Variants in CCDC112 observed in about 807,000 individuals in gnomAD.
CCDC112 encodes the protein coiled-coil domain containing 112, also known as coiled-coil domain-containing protein 112.
A neutral mutation model predicts 66.3 loss-of-function variants in CCDC112; 40 were observed. The observed-to-expected ratio is 0.60, with a 90% CI of 0.47 to 0.79. CCDC112 has a LOEUF of 0.79. Among genes scored for constraint, CCDC112 ranks in the 30% least tolerant of loss-of-function variants. The pLI, the probability that CCDC112 is intolerant of heterozygous loss-of-function variation, is 0.00. For missense variants in CCDC112, 659 were observed against 603.8 expected (o/e 1.09, Z -0.96); for synonymous variants, 214 against 197.2 (o/e 1.09, Z -0.71).
In CCDC112 at chr5:115,274,616, T is replaced by C. The variant is rs142472010; in HGVS notation, c.918+600A>G. On this transcript the variant is annotated intron_variant, in intron 6 of 9. Coordinates refer to ENST00000379611, the MANE Select transcript of CCDC112 (RefSeq NM_001040440.3). ...CTGGATTGCTCACATTTCTGAGAAGTGGATACGGAGGACTGGACCCATAAT... is the reference window on the plus strand; with the variant it reads ...CTGGATTGCTCACATTTCTGAGAAGCGGATACGGAGGACTGGACCCATAAT... 8.5e-4 allele frequency among the ~76,000 whole-genome samples: 130 copies of C among 152,332 alleles called. 1 individual carries two copies. The highest frequency in any genetic ancestry group is 3.1e-3 in the African/African-American group (130 of 41,596).
chr5:115,294,894 A>G (rs1267226558), intron 1 of CCDC112, among the ~76,000 whole-genome samples: 1 of 152,150 alleles, frequency 6.6e-6, no homozygotes, highest in Non-Finnish European at 1.5e-5. Flanking sequence ...AAAAAGCCCA[A>G]ACACACGTGA....
At chr5:115,276,382 G>A (rs1451339622) in intron 4 of CCDC112, among the ~76,000 whole-genome samples, 1 of 152,126 alleles carries the variant, frequency 6.6e-6, no homozygotes, top group African/African-American at 2.4e-5. Flanking sequence ...ACACCTGTCT[G>A]ATTCCTAAGT....
At chr5:115,274,272 A>T (rs1276085005) in intron 6 of CCDC112, among the ~76,000 whole-genome samples, 1 of 152,194 alleles carries the variant, frequency 6.6e-6, no homozygotes, top group East Asian at 1.9e-4. Context: ...TAATGCACAG[A>T]ACAGGCCCCC....
chr5:115,294,233 T>C (rs1158118728), intron 1 of CCDC112, among the ~76,000 whole-genome samples: 1 of 152,230 alleles, frequency 6.6e-6, no homozygotes, highest in Admixed American at 6.5e-5. Flanking sequence ...TGTGATGGAC[T>C]GAATTGTGTT....
chr5:115,287,667 A>G (rs1232823627), intron 1 of CCDC112, among the ~76,000 whole-genome samples: 1 of 149,666 alleles, frequency 6.7e-6, no homozygotes, highest in Admixed American at 6.6e-5. Flanking sequence ...AGTTACCCGA[A>G]GTAAACAGAT....
chr5:115,275,282 T>G lies in CCDC112; in HGVS notation c.852A>C (p.Gln284His). The G allele has an allele frequency of 6.2e-7, 1 of 1,614,038 alleles. No individual in the cohort carries two copies. The highest frequency in any genetic ancestry group is 8.5e-7 in the Non-Finnish European group (1 of 1,179,956). ...ATTTTTCATGCTGTTGAACTTCATC[T>G]TGTGTTTTTCCAGGAAGGTGTTCTA... ...EVLEHLPGKTQDEVQQHEKWY... is the reference protein window; with the variant it reads ...EVLEHLPGKTHDEVQQHEKWY... The change falls in exon 6 of 10, where the codon CAA becomes CAC. Residue 284 changes from glutamine (Q) to histidine (H), a missense_variant. By Grantham distance (24) the Gln-to-His change is conservative. Transcript: ENST00000379611.
chr5:115,273,395 A>G (rs1348018586), intron 6 of CCDC112, among the ~76,000 whole-genome samples: 1 of 152,218 alleles, frequency 6.6e-6, no homozygotes, highest in African/African-American at 2.4e-5. Flanking sequence ...TTTACTACTC[A>G]ACATCTTAAA....
chr5:115,287,690 C>T lies in CCDC112; in HGVS notation c.118-2782G>A, dbSNP rs567898585. On this transcript the variant is annotated intron_variant, in intron 1 of 9. Transcript: ENST00000379611. ...GAAGTAAACAGATGTTAACCAATCC[C>T]CTTTCCTTTTTTTTTTTTTTTTTTT... Among the ~76,000 whole-genome samples the T allele has an allele frequency of 8.8e-4, 121 of 137,310 alleles. 1 individual carries two copies. Among genetic ancestry groups the T allele is most frequent in the South Asian group, 7.0e-4 (3 of 4,278 alleles). 90.1% of individuals were successfully genotyped at this position (137,310 alleles called of 152,430 possible).
chr5:115,290,797 T>C (rs1204577041), intron 1 of CCDC112, among the ~76,000 whole-genome samples: 1 of 152,176 alleles, frequency 6.6e-6, no homozygotes, highest in East Asian at 1.9e-4. Flanking sequence ...TGCTAGTGTA[T>C]AGAAATACAA....
rs1045218277 is a variant in CCDC112, at chr5:115,277,824, G to A, written c.362-770C>T. Among the ~76,000 whole-genome samples, 19 of 151,800 alleles carry A rather than the reference G, an allele frequency of 1.3e-4. No homozygotes were observed. The East Asian group carries it at 1.7e-3, about 14-fold the overall frequency. On this transcript the variant is annotated intron_variant, in intron 3 of 9. Transcript: ENST00000379611. ...TTACTAGGCTAATGTCAAAATATTC[G>A]CATTCTTATAATAGTAATACTATTA...
At chr5:115,289,146 GT>G in intron 1 of CCDC112, 1 of 210,408 alleles carries the variant, frequency 4.8e-6, no homozygotes, top group Non-Finnish European at 9.6e-6. Context: ...ACTTTGGCCA[GT>G]TTTCCTTTTG....
rs761662871 is a variant in CCDC112 at position 115,268,936 on chromosome 5, C to A, written c.1493G>T (p.Arg498Leu). 1.9e-6 allele frequency: 3 copies of A among 1,606,878 alleles called. No homozygotes were observed. The highest frequency in any genetic ancestry group is 2.5e-6 in the Non-Finnish European group (3 of 1,176,850). Residue 498 changes from arginine (R) to leucine (L), a missense_variant, in exon 9 of 10, where the codon CGA becomes CTA. Arg to Leu is a moderately radical substitution (Grantham distance 102). Transcript: ENST00000379611. ...GCCTGTTGGTCCTATCTTTTTGGTTCGTTCTTCCCAACCTTTGGTGGGTTT... is the reference window on the plus strand; with the variant it reads ...GCCTGTTGGTCCTATCTTTTTGGTTAGTTCTTCCCAACCTTTGGTGGGTTT... ...LYKPTKGWEE[R>L]TKKIGPTGSG...
chr5:115,280,306 C>T (rs952317088), intron 2 of CCDC112: 2 of 152,088 alleles, frequency 1.3e-5, no homozygotes, highest in African/African-American at 4.8e-5. Flanking sequence ...TATGGAAATG[C>T]CAGTTATTAA....
intron 2 of CCDC112, among the ~76,000 whole-genome samples, chr5:115,281,483 A>G (rs140137591): frequency 6.6e-6 from 1 of 152,348 alleles, no homozygotes; most frequent in East Asian, 1.9e-4. Context: ...TGGGTAGATA[A>G]AGATATCAAA....
At chr5:115,287,005 C>A (rs929335858) in intron 1 of CCDC112, among the ~76,000 whole-genome samples, 1 of 152,134 alleles carries the variant, frequency 6.6e-6, no homozygotes, top group Non-Finnish European at 1.5e-5. Context: ...ATTAGACATA[C>A]GACTTGTAAA....
intron 9 of CCDC112, among the ~76,000 whole-genome samples, chr5:115,268,624 A>AAT (rs1409562111): frequency 1.1e-4 from 17 of 148,068 alleles, no homozygotes; most frequent in Non-Finnish European, 8.9e-5. Flanking sequence ...CTGAAAGGCA[A>AAT]ATATATATAT....
At chr5:115,272,619 T>C (rs568251767) in intron 6 of CCDC112, among the ~76,000 whole-genome samples, 1 of 152,344 alleles carries the variant, frequency 6.6e-6, no homozygotes, top group South Asian at 2.1e-4. Context: ...TCTTTACATA[T>C]GGGTATGTAA....
chr5:115,280,579 G>T (rs970201886), intron 2 of CCDC112: 2 of 151,854 alleles, frequency 1.3e-5, no homozygotes, highest in East Asian at 1.9e-4. Flanking sequence ...TTGAGACAGG[G>T]TCTGGCTCTG....
At chr5:115,292,174 T>C (rs536319261) in intron 1 of CCDC112, among the ~76,000 whole-genome samples, 1 of 152,274 alleles carries the variant, frequency 6.6e-6, no homozygotes, top group Admixed American at 6.5e-5. Flanking sequence ...TCAGACTCTG[T>C]TCATTTTTCT....
Sources: allele counts gnomAD v4.1 joint callset (sites outside exome capture counted in the v4.1 genomes callset), GRCh38; gene constraint gnomAD v4.1.1; transcripts MANE v1.5; gene names NCBI Gene and HGNC (gene_info 2026-07-23, HGNC 2026-07-21).